ZEB1: variants seen among roughly 807,000 people sequenced by gnomAD.
The protein encoded by ZEB1 is zinc finger E-box binding homeobox 1.
A neutral mutation model predicts 84.9 loss-of-function variants in ZEB1; 21 were observed. The observed-to-expected ratio is 0.25, with a 90% CI of 0.18 to 0.36. The LOEUF (loss-of-function observed/expected upper bound fraction) is 0.36, where lower values mean the gene tolerates loss of function less well. Among genes scored for constraint, ZEB1 ranks in the 10% least tolerant of loss-of-function variants. ZEB1 has a pLI of 1.00. For missense variants in ZEB1, 1,104 were observed against 1,330.2 expected, an observed-to-expected ratio of 0.83 and a Z score of 2.65; for synonymous variants, 420 against 471.1, an observed-to-expected ratio of 0.89 and a Z score of 1.41.
At chr10:31,341,517 G>T (rs2039360650) in intron 1 of ZEB1, among the ~76,000 whole-genome samples, 1 of 152,158 alleles carries the variant, frequency 6.6e-6, no homozygotes, top group Admixed American at 6.5e-5. Flanking sequence ...TAAGATGGTT[G>T]TGACATCACT....
At chr10:31,428,730 T>C (rs1431528329) in intron 1 of ZEB1, among the ~76,000 whole-genome samples, 3 of 152,250 alleles carry the variant, frequency 2.0e-5, no homozygotes, top group African/African-American at 7.2e-5. Context: ...TTTATGAATC[T>C]GGGTGCTCCT....
chr10:31,360,419 C>G (rs1441660560), intron 1 of ZEB1, among the ~76,000 whole-genome samples: 3 of 152,146 alleles, frequency 2.0e-5, no homozygotes, highest in African/African-American at 4.8e-5. Flanking sequence ...TTAACAAATG[C>G]TAGTTCCTTT....
In ZEB1 at chr10:31,529,581, C is replaced by T. The variant is rs1161262915; in HGVS notation, c.*2317C>T. The T allele has an allele frequency of 1.3e-5, 2 of 152,220 alleles. No homozygotes were observed. Among genetic ancestry groups the T allele is most frequent in the Non-Finnish European group, 2.9e-5 (2 of 68,036 alleles). 9.4% of individuals were successfully genotyped at this position (152,220 alleles called of 1,614,324 possible). A position where few individuals can be genotyped will look rare whatever the true frequency, so the allele number is the denominator to read the frequency against. On this transcript the variant is annotated 3_prime_UTR_variant, in exon 9 of 9. Transcript: ENST00000424869. ...AGGAACCACATTTGTCATAGTCACT[C>T]TCACATTCCTCACTGCCTAACAGGG...
intron 6 of ZEB1, among the ~76,000 whole-genome samples, chr10:31,517,500 TA>T (rs56957641): frequency 0.17 from 24,478 of 140,592 alleles, 5,580 homozygotes; most frequent in African/African-American, 0.53. Context: ...CCTTAGCCAT[TA>T]AAAAAAAAAA....
chr10:31,343,973 G>T (rs544082396), intron 1 of ZEB1, among the ~76,000 whole-genome samples: 1 of 152,144 alleles, frequency 6.6e-6, no homozygotes, highest in Non-Finnish European at 1.5e-5. Context: ...TATTATAGAG[G>T]TTTCTTGGGG....
intron 3 of ZEB1, 113 bp downstream of exon 3, chr10:31,495,951 C>A: frequency 8.6e-7 from 1 of 1,157,604 alleles, no homozygotes; most frequent in Non-Finnish European, 1.3e-6. Flanking sequence ...TTTTATCTTA[C>A]CTTCCTTAAA....
At chr10:31,522,053 A>G (rs2072533477) in intron 7 of ZEB1, 117 bp downstream of exon 7, 5 of 1,456,508 alleles carry the variant, frequency 3.4e-6, no homozygotes, top group Non-Finnish European at 4.7e-6. Context: ...ACAAACTGTC[A>G]TTTTTAAAAG....
intron 1 of ZEB1, among the ~76,000 whole-genome samples, chr10:31,395,201 C>A (rs1169237923): frequency 6.6e-6 from 1 of 152,138 alleles, no homozygotes; most frequent in Admixed American, 6.5e-5. Context: ...ACAAATAGTT[C>A]TACATATGGA....
At chr10:31,362,988 C>T in intron 1 of ZEB1, 1 of 1,534,138 alleles carries the variant, frequency 6.5e-7, no homozygotes, top group Non-Finnish European at 8.7e-7. Context: ...GACATGGAAG[C>T]TTTGCCGGTG....
At chr10:31,494,639 CTG>C (rs1482192917) in intron 2 of ZEB1, among the ~76,000 whole-genome samples, 3 of 151,924 alleles carry the variant, frequency 2.0e-5, no homozygotes, top group South Asian at 2.1e-4. Context: ...TTCGGTGTGA[CTG>C]TATAAGTATT....
At chr10:31,509,074 G>A (rs930072823) in intron 4 of ZEB1, among the ~76,000 whole-genome samples, 6 of 152,122 alleles carry the variant, frequency 3.9e-5, no homozygotes, top group East Asian at 3.9e-4. Flanking sequence ...CTTAGCAGCC[G>A]CAACCAGCAT....
rs550558971 is a variant in ZEB1, at chr10:31,324,302, C to T, written c.58+5010C>T. On this transcript the variant is annotated intron_variant, in intron 1 of 8. Transcript: ENST00000424869. The stretch of plus-strand genomic sequence containing the variant: ...ACCTCCTATGTAGTAGCTTTTGAAG[C>T]ATGTGCTGAGAAACTTCTGTTAAAT... 4.6e-5 allele frequency among the ~76,000 whole-genome samples: 7 copies of T among 152,064 alleles called. No homozygotes were observed. The East Asian group carries it at 9.6e-4, about 21-fold the overall frequency.
At chr10:31,449,292 A>C (rs1411094694) in intron 1 of ZEB1, among the ~76,000 whole-genome samples, 1 of 152,210 alleles carries the variant, frequency 6.6e-6, no homozygotes, top group African/African-American at 2.4e-5. Context: ...GCGCGCACCC[A>C]CTGGCCTGCG....
intron 2 of ZEB1, among the ~76,000 whole-genome samples, chr10:31,474,422 AAAG>A (rs1198944697): frequency 2.0e-5 from 3 of 152,230 alleles, no homozygotes; most frequent in African/African-American, 7.2e-5. Context: ...ACACTTCTCG[AAAG>A]AAGACATTTA....
chr10:31,360,914 G>T, intron 1 of ZEB1: 3 of 1,497,866 alleles, frequency 2.0e-6, no homozygotes, highest in South Asian at 2.3e-5. Context: ...GTACTGCATG[G>T]ATGCTCTAAT....
intron 1 of ZEB1, among the ~76,000 whole-genome samples, chr10:31,363,979 G>T (rs1170334444): frequency 6.6e-6 from 1 of 152,210 alleles, no homozygotes; most frequent in Non-Finnish European, 1.5e-5. Context: ...GACAAGACGA[G>T]CAGGTTGCCG....
At chr10:31,451,691 C>T (rs1203354644) in intron 1 of ZEB1, among the ~76,000 whole-genome samples, 1 of 152,124 alleles carries the variant, frequency 6.6e-6, no homozygotes, top group Non-Finnish European at 1.5e-5. Flanking sequence ...TGCTTTTTCA[C>T]TGTTTCATCT....
intron 1 of ZEB1, among the ~76,000 whole-genome samples, chr10:31,386,317 T>C (rs2048628405): frequency 6.6e-6 from 1 of 151,790 alleles, no homozygotes; most frequent in Non-Finnish European, 1.5e-5. Context: ...TTTTAGGATA[T>C]GGCATCTTAA....
At chr10:31,433,755 G>A (rs2057992744) in intron 1 of ZEB1, among the ~76,000 whole-genome samples, 1 of 152,108 alleles carries the variant, frequency 6.6e-6, no homozygotes, top group Non-Finnish European at 1.5e-5. Context: ...TTTTTAACTG[G>A]AAATGAGTGG....
Sources: gnomAD v4.1 joint callset for allele counts (sites outside exome capture counted in the v4.1 genomes callset) on GRCh38, gnomAD v4.1.1 for gene constraint, MANE v1.5 for transcripts, NCBI Gene and HGNC (gene_info 2026-07-23, HGNC 2026-07-21) for gene names.